CPEB3: variants seen among roughly 807,000 people sequenced by gnomAD.
CPEB3 encodes the protein cytoplasmic polyadenylation element-binding protein 3.
In CPEB3, 20 loss-of-function variants were observed where a neutral mutation model predicts 67.2. The observed-to-expected ratio is 0.30, with a 90% CI of 0.21 to 0.43. CPEB3 has a LOEUF of 0.43. CPEB3 is among the 20% of genes least tolerant of loss of function. The pLI, the probability that CPEB3 is intolerant of heterozygous loss-of-function variation, is 1.00. For missense variants in CPEB3, 746 were observed against 968.6 expected, an observed-to-expected ratio of 0.77 and a Z score of 3.05; for synonymous variants, 376 against 393.1, an observed-to-expected ratio of 0.96 and a Z score of 0.51.
At chr10:92,208,912 CT>C (rs1849929995) in intron 2 of CPEB3, among the ~76,000 whole-genome samples, 1 of 151,974 alleles carries the variant, frequency 6.6e-6, no homozygotes, top group Admixed American at 6.6e-5. Context: ...TTTTTGACTC[CT>C]CCTTTGTTTG....
chr10:92,239,556 G>T lies in CPEB3; in HGVS notation c.795C>A (p.Gly265=), dbSNP rs1385662112. The change falls in exon 2 of 10, where the codon GGC becomes GGA. Residue 265 remains glycine, a synonymous_variant. Coordinates refer to ENST00000265997, the MANE Select transcript of CPEB3 (RefSeq NM_014912.5). This position sits in a 1 kb window ranked among gnomAD's most constrained non-coding sequence, Gnocchi z 6.0. Reference sequence around the variant, plus strand: ...CACCGACCGCCCGGCGAGGGTCCCGGCCCGCCTGCAGGCCGCCCCAGGGGT... The same window carrying T: ...CACCGACCGCCCGGCGAGGGTCCCGTCCCGCCTGCAGGCCGCCCCAGGGGT... ...PSNPWGGLQA[G]RDPRRAVGVG... 6.4e-7 allele frequency: 1 copy of T among 1,555,858 alleles called. No individual in the cohort carries two copies.
chr10:92,196,766 C>CAA (rs563620027), intron 2 of CPEB3, among the ~76,000 whole-genome samples: 16 of 113,182 alleles, frequency 1.4e-4, no homozygotes, highest in African/African-American at 3.7e-4. Flanking sequence ...GACTCCGTCT[C>CAA]AAAAAAAAAA....
At chr10:92,105,865 G>A (rs549268830) in intron 7 of CPEB3, among the ~76,000 whole-genome samples, 3 of 151,748 alleles carry the variant, frequency 2.0e-5, no homozygotes, top group South Asian at 2.1e-4. Flanking sequence ...ACAGGCGTCC[G>A]CCACCATGCC....
At chr10:92,210,041 G>T (rs1850002162) in intron 2 of CPEB3, among the ~76,000 whole-genome samples, 1 of 151,304 alleles carries the variant, frequency 6.6e-6, no homozygotes, top group Non-Finnish European at 1.5e-5. Flanking sequence ...AAAGCAGACA[G>T]AACTCACTAT....
At chr10:92,265,665 CT>C (rs1309693593) in intron 1 of CPEB3, among the ~76,000 whole-genome samples, 8 of 151,376 alleles carry the variant, frequency 5.3e-5, no homozygotes, top group African/African-American at 1.9e-4. Context: ...AGGAGAATCG[CT>C]TGAACCCAGG....
At chr10:92,052,786 T>C (rs1375086593) in intron 9 of CPEB3, among the ~76,000 whole-genome samples, 1 of 151,970 alleles carries the variant, frequency 6.6e-6, no homozygotes, top group African/African-American at 2.4e-5. Context: ...CTGGGGAGGA[T>C]TAAGAGGGGC....
intron 1 of CPEB3, among the ~76,000 whole-genome samples, chr10:92,245,846 G>A (rs962142874): frequency 4.1e-4 from 62 of 151,730 alleles, no homozygotes; most frequent in Non-Finnish European, 7.4e-5. Context: ...AAACCAGCCT[G>A]ACCAACACGG....
chr10:92,252,444 A>G (rs1256417630), intron 1 of CPEB3, among the ~76,000 whole-genome samples: 2 of 152,182 alleles, frequency 1.3e-5, no homozygotes, highest in African/African-American at 4.8e-5. Flanking sequence ...GCCTCTAGCT[A>G]TACACCCAAT....
At chr10:92,181,654 C>G (rs749843164) in intron 3 of CPEB3, among the ~76,000 whole-genome samples, 4 of 152,186 alleles carry the variant, frequency 2.6e-5, no homozygotes, top group African/African-American at 7.2e-5. Flanking sequence ...GAGTTGCAAA[C>G]GTCTGCTGAC....
intron 7 of CPEB3, among the ~76,000 whole-genome samples, chr10:92,099,862 A>C (rs1038750601): frequency 2.0e-5 from 3 of 150,158 alleles, no homozygotes; most frequent in African/African-American, 7.4e-5. Flanking sequence ...CCGTCTCAAA[A>C]AAAAAAGAAG....
intron 4 of CPEB3, among the ~76,000 whole-genome samples, chr10:92,160,657 T>A (rs999922724): frequency 2.0e-5 from 3 of 152,204 alleles, no homozygotes; most frequent in African/African-American, 7.2e-5. Flanking sequence ...TATATCTGAT[T>A]TCTGGCCAGA....
chr10:92,103,787 C>T (rs571373215), intron 7 of CPEB3, among the ~76,000 whole-genome samples: 1 of 152,334 alleles, frequency 6.6e-6, no homozygotes, highest in South Asian at 2.1e-4. Context: ...TTTTAACTTT[C>T]AGGTTCACAG....
At chr10:92,130,977 G>C (rs1030523990) in intron 6 of CPEB3, among the ~76,000 whole-genome samples, 4 of 152,166 alleles carry the variant, frequency 2.6e-5, no homozygotes, top group African/African-American at 9.7e-5. Flanking sequence ...AGAAGGCATT[G>C]AACAGTTTGA....
At chr10:92,253,440 C>T (rs1175050795) in intron 1 of CPEB3, among the ~76,000 whole-genome samples, 4 of 96,874 alleles carry the variant, frequency 4.1e-5, no homozygotes, top group African/African-American at 8.5e-5. Flanking sequence ...AGCCTGACAA[C>T]AGAGCAAGAC....
intron 8 of CPEB3, 43 bp from the exon 9 acceptor site, chr10:92,081,544 G>C: frequency 1.9e-6 from 3 of 1,542,310 alleles, no homozygotes; most frequent in Non-Finnish European, 2.7e-6. Context: ...AAATATCTGG[G>C]AGGTACTCTT....
intron 8 of CPEB3, among the ~76,000 whole-genome samples, chr10:92,083,288 T>C (rs1187996885): frequency 1.3e-5 from 2 of 152,162 alleles, no homozygotes; most frequent in African/African-American, 4.8e-5. Flanking sequence ...CAGCAAAAAG[T>C]TATCTCAATT....
chr10:92,094,998 T>C (rs1266143709), intron 7 of CPEB3, among the ~76,000 whole-genome samples: 1 of 152,216 alleles, frequency 6.6e-6, no homozygotes, highest in African/African-American at 2.4e-5. Context: ...ACTATTCTTG[T>C]GTAGTATCCA....
rs992701326 is a variant in CPEB3, at chr10:92,046,952, G to T, written c.*5260C>A. 1.3e-5 allele frequency: 2 copies of T among 152,156 alleles called. No individual in the cohort carries two copies. The highest frequency in any genetic ancestry group is 2.9e-5 in the Non-Finnish European group (2 of 68,024). The allele number at this position is 152,156 out of a possible 1,614,324, so 9.4% of individuals were successfully genotyped here. ...TTGTTAGTTGAAAAACAAATACAGAGATCCTAGCTGTGAACACTCTAAAAG... is the reference window on the plus strand; with the variant it reads ...TTGTTAGTTGAAAAACAAATACAGATATCCTAGCTGTGAACACTCTAAAAG... On this transcript the variant is annotated 3_prime_UTR_variant, in exon 10 of 10. Coordinates refer to ENST00000265997, the MANE Select transcript of CPEB3 (RefSeq NM_014912.5).
intron 6 of CPEB3, among the ~76,000 whole-genome samples, chr10:92,142,209 A>C (rs1426762082): frequency 6.6e-6 from 1 of 152,174 alleles, no homozygotes; most frequent in African/African-American, 2.4e-5. Flanking sequence ...TGATTCATTT[A>C]TGAGGCACAG....
Sources: allele counts gnomAD v4.1 joint callset (sites outside exome capture counted in the v4.1 genomes callset), GRCh38; gene constraint gnomAD v4.1.1; non-coding constraint Gnocchi (gnomAD v3.1); transcripts MANE v1.5; gene names NCBI Gene and HGNC (gene_info 2026-07-23, HGNC 2026-07-21).